The following KMT2C variants were observed in gnomAD, a reference collection of about 807,000 sequenced individuals.
KMT2C encodes lysine methyltransferase 2C, also known as histone-lysine N-methyltransferase 2C.
A neutral mutation model predicts 507.9 loss-of-function variants in KMT2C; 88 were observed. That is an observed-to-expected ratio of 0.17 (90% confidence interval 0.15 to 0.21). KMT2C has a LOEUF of 0.21. Among genes scored for constraint, KMT2C ranks in the 10% least tolerant of loss-of-function variants. The pLI is 1.00. For synonymous variants in KMT2C, 2,049 were observed against 2,080.8 expected (o/e 0.98, Z 0.42); for missense variants, 4,954 against 5,957.8 (o/e 0.83, Z 5.55).
intron 1 of KMT2C, among the ~76,000 whole-genome samples, chr7:152,404,631 C>CAAAAA (rs68171347): frequency 1.4e-3 from 91 of 66,222 alleles, no homozygotes; most frequent in Middle Eastern, 7.0e-3. Flanking sequence ...ACTCAGGTCT[C>CAAAAA]AAAAAAAAAA....
rs1341703878 is a variant in KMT2C, at chr7:152,163,270, A to G, written c.10307T>C (p.Met3436Thr). 1.3e-5 allele frequency: 21 copies of G among 1,614,060 alleles called. No homozygotes were observed. The highest frequency in any genetic ancestry group is 1.6e-5 in the Non-Finnish European group (19 of 1,180,042). Reference protein sequence around the residue: ...QQRMEMEQHGMVGSEISSSRT... With the variant: ...QQRMEMEQHGTVGSEISSSRT... ...ACTACTACTTATCTCAGAGCCCACC[A>G]TACCATGCTGCTCCATTTCCATCCT... Residue 3436 changes from methionine (M) to threonine (T), a missense_variant, in exon 43 of 59, where the codon ATG (methionine) becomes ACG (threonine). By Grantham distance (81) the Met-to-Thr change is moderately conservative (BLOSUM62 -1). Around this residue, in one of 29 missense-constraint regions of KMT2C, gnomAD observed 801 missense variants for 751.2 expected, o/e 1.07. Transcript: ENST00000262189.
At chr7:152,227,196 A>T (rs1446462265) in intron 18 of KMT2C, among the ~76,000 whole-genome samples, 5 of 152,210 alleles carry the variant, frequency 3.3e-5, no homozygotes, top group Non-Finnish European at 7.3e-5. Flanking sequence ...GACTTCTAGT[A>T]CTTCAACACT....
chr7:152,184,539 C>A (rs2093561019), intron 34 of KMT2C, among the ~76,000 whole-genome samples: 1 of 152,102 alleles, frequency 6.6e-6, no homozygotes, highest in East Asian at 1.9e-4. Context: ...CTAAATATTT[C>A]TCTTTCAAGA....
intron 53 of KMT2C, 94 bp downstream of exon 53, chr7:152,146,505 C>T (rs2091113325): frequency 7.9e-7 from 1 of 1,264,038 alleles, no homozygotes. Flanking sequence ...CAGTCACTTT[C>T]TGAAGAGTGC....
At chr7:152,282,924 G>T (rs1431476101) in intron 6 of KMT2C, among the ~76,000 whole-genome samples, 2 of 151,704 alleles carry the variant, frequency 1.3e-5, no homozygotes, top group Non-Finnish European at 2.9e-5. Flanking sequence ...AACTTTTAAT[G>T]GAAAATATTT....
In KMT2C at chr7:152,135,980, T is replaced by C; in HGVS notation, c.*852A>G. On this transcript the variant is annotated 3_prime_UTR_variant, in exon 59 of 59. Transcript: ENST00000262189. ...TTATATTGTAACATCCCTATGAACATTTTATAAGCCCCCGAGCTGCTGCAG... is the reference window on the plus strand; with the variant it reads ...TTATATTGTAACATCCCTATGAACACTTTATAAGCCCCCGAGCTGCTGCAG... The C allele has an allele frequency of 4.4e-6, 1 of 226,784 alleles. No homozygotes were observed. Among genetic ancestry groups the C allele is most frequent in the East Asian group, 6.4e-5 (1 of 15,576 alleles). 14.0% of individuals were successfully genotyped at this position (226,784 alleles called of 1,614,324 possible). A position where few individuals can be genotyped will look rare whatever the true frequency, so the allele number is the denominator to read the frequency against.
intron 14 of KMT2C, chr7:152,239,050 C>A: frequency 2.5e-6 from 1 of 398,508 alleles, no homozygotes; most frequent in Non-Finnish European, 4.5e-6. Context: ...ATATTTTATT[C>A]TGCCTGAGAC....
chr7:152,205,928 G>T (rs1010185688), intron 24 of KMT2C, among the ~76,000 whole-genome samples: 1 of 152,144 alleles, frequency 6.6e-6, no homozygotes, highest in African/African-American at 2.4e-5. Flanking sequence ...AATATTCTTT[G>T]ACTGATATGA....
chr7:152,189,780 C>A (rs1005926228), intron 31 of KMT2C, among the ~76,000 whole-genome samples: 1 of 152,198 alleles, frequency 6.6e-6, no homozygotes, highest in Non-Finnish European at 1.5e-5. Flanking sequence ...ATGACACTTA[C>A]ATTTACTCCA....
rs372337430 is a variant in KMT2C at position 152,331,794 on chromosome 7, G to A, written c.251-1055C>T. On this transcript the variant is annotated intron_variant, in intron 2 of 58. Transcript: ENST00000262189. ...CTCCTGAATAGCTGGGATGACAGGC[G>A]CCCACCACCATGCCTGGCTAATTTT... 8.6e-5 allele frequency among the ~76,000 whole-genome samples: 13 copies of A among 151,454 alleles called. No individual in the cohort carries two copies. The East Asian group carries it at 1.8e-3, about 20-fold the overall frequency.
At chr7:152,291,624 T>C (rs1222109500) in intron 6 of KMT2C, among the ~76,000 whole-genome samples, 38 of 152,292 alleles carry the variant, frequency 2.5e-4, no homozygotes, top group Admixed American at 1.5e-3. Flanking sequence ...TTGTTTCACA[T>C]AGACTATGCA....
intron 3 of KMT2C, 83 bp from the exon 4 acceptor site, chr7:152,315,421 C>A: frequency 1.0e-6 from 1 of 962,032 alleles, no homozygotes; most frequent in Non-Finnish European, 1.6e-6. Flanking sequence ...GATACTTGTG[C>A]TTTTAAATTA....
chr7:152,413,930 G>A (rs1368724032), intron 1 of KMT2C, among the ~76,000 whole-genome samples: 1 of 149,314 alleles, frequency 6.7e-6, no homozygotes, highest in African/African-American at 2.5e-5. Context: ...AAATGTATGA[G>A]GCCAGACGCG....
At chr7:152,311,111 TA>T (rs2096667781) in intron 5 of KMT2C, among the ~76,000 whole-genome samples, 1 of 152,212 alleles carries the variant, frequency 6.6e-6, no homozygotes, top group Admixed American at 6.5e-5. Context: ...TTAAATATTA[TA>T]TATGTATTTG....
At chr7:152,225,693 A>G (rs1563477193) in intron 18 of KMT2C, among the ~76,000 whole-genome samples, 1 of 152,238 alleles carries the variant, frequency 6.6e-6, no homozygotes, top group Non-Finnish European at 1.5e-5. Context: ...ACATCAGGCC[A>G]GGAAGTTTAA....
chr7:152,434,333 G>A (rs531534796), intron 1 of KMT2C, among the ~76,000 whole-genome samples: 2 of 152,254 alleles, frequency 1.3e-5, no homozygotes, highest in Non-Finnish European at 2.9e-5. Context: ...GCAAGTTGAA[G>A]GCCCTGAATC....
chr7:152,155,904 C>T lies in KMT2C; in HGVS notation c.11960+6G>A, dbSNP rs2129099607. 1 of 1,588,264 alleles carries T rather than the reference C, an allele frequency of 6.3e-7. No individual in the cohort carries two copies. The highest frequency in any genetic ancestry group is 1.4e-5 in the African/African-American group (1 of 73,092). On this transcript the variant is annotated splice_donor_region_variant and intron_variant, in intron 46 of 58. Transcript: ENST00000262189. Reference sequence around the variant, plus strand: ...AAGAATTATTTGAGAAAAAAATAACCTGTACCTTAATTCTTCCTGATTGTT... The same window carrying T: ...AAGAATTATTTGAGAAAAAAATAACTTGTACCTTAATTCTTCCTGATTGTT...
chr7:152,182,660 G>GA, intron 35 of KMT2C, 66 bp from the exon 36 acceptor site: 1 of 1,379,764 alleles, frequency 7.2e-7, no homozygotes, highest in Non-Finnish European at 9.8e-7. Flanking sequence ...ATCATGGGGG[G>GA]AAAAAGCAAC....
chr7:152,201,003 T>A (rs2094119613), intron 26 of KMT2C, among the ~76,000 whole-genome samples: 1 of 152,172 alleles, frequency 6.6e-6, no homozygotes, highest in African/African-American at 2.4e-5. Flanking sequence ...GCAATGCTTT[T>A]ATCATTAGAA....
Sources: allele counts gnomAD v4.1 joint callset (sites outside exome capture counted in the v4.1 genomes callset), GRCh38; gene constraint gnomAD v4.1.1; regional missense constraint gnomAD v4.1.1; transcripts MANE v1.5; gene names NCBI Gene and HGNC (gene_info 2026-07-23, HGNC 2026-07-21).